The following BAZ2B variants were observed in gnomAD, a reference collection of about 807,000 sequenced individuals.
BAZ2B encodes bromodomain adjacent to zinc finger domain protein 2B.
In BAZ2B, 91 loss-of-function variants were observed where a neutral mutation model predicts 246.0. The ratio of observed to expected loss-of-function variants is 0.37; its 90% CI spans 0.31 to 0.44. The LOEUF (loss-of-function observed/expected upper bound fraction) is 0.44. BAZ2B is among the 20% of genes least tolerant of loss of function. BAZ2B has a pLI of 1.00. For synonymous variants in BAZ2B, 855 were observed against 860.0 expected, an observed-to-expected ratio of 0.99 and a Z score of 0.10; for missense variants, 2,332 against 2,533.7, an observed-to-expected ratio of 0.92 and a Z score of 1.71.
At chr2:159,563,904 A>C (rs1456018391) in intron 1 of BAZ2B, among the ~76,000 whole-genome samples, 1 of 152,254 alleles carries the variant, frequency 6.6e-6, no homozygotes, top group Non-Finnish European at 1.5e-5. Context: ...TCACTCATTA[A>C]GACATGAATC....
chr2:159,316,345 T>A (rs930505174), downstream of BAZ2B, among the ~76,000 whole-genome samples: 7 of 152,106 alleles, frequency 4.6e-5, no homozygotes, highest in East Asian at 1.9e-4. Flanking sequence ...TCCCAGCAGA[T>A]AAGATTCTAT....
rs199678669 is a variant in BAZ2B at position 159,430,980 on chromosome 2, G to A, written c.2077C>T (p.Arg693Cys). The A allele has an allele frequency of 4.4e-5, 71 of 1,613,886 alleles. 1 individual carries two copies. The South Asian group carries it at 5.1e-4, about 11-fold the overall frequency. Residue 693 changes from arginine to cysteine, a missense_variant, in exon 10 of 37, where the codon CGT becomes TGT. This residue lies in a region of BAZ2B where 651 missense variants were observed against 650.9 expected (regional missense o/e 1.00). Transcript: ENST00000392783. Reference sequence around the variant, plus strand: ...GGGGCTTTTGCTATGTGGAGGTTACGAGGTGTTGAGTGACCTGTGAGACTC... The same window carrying A: ...GGGGCTTTTGCTATGTGGAGGTTACAAGGTGTTGAGTGACCTGTGAGACTC... ...SMSLTGHSTP[R>C]NLHIAKAPGS...
chr2:159,536,069 A>G (rs1298160723), intron 2 of BAZ2B, among the ~76,000 whole-genome samples: 1 of 152,252 alleles, frequency 6.6e-6, no homozygotes, highest in Non-Finnish European at 1.5e-5. Flanking sequence ...CACATGAGCA[A>G]CTAACTACAA....
At chr2:159,357,168 C>G (rs143379761) in intron 27 of BAZ2B, among the ~76,000 whole-genome samples, 1 of 151,890 alleles carries the variant, frequency 6.6e-6, no homozygotes, top group African/African-American at 2.4e-5. Context: ...TGGGTAATAA[C>G]AAACTCCTCT....
chr2:159,531,245 C>A (rs555545624), intron 2 of BAZ2B, among the ~76,000 whole-genome samples: 1 of 152,256 alleles, frequency 6.6e-6, no homozygotes, highest in Non-Finnish European at 1.5e-5. Flanking sequence ...TTACTTTCCT[C>A]ATCTGGAAAA....
chr2:159,366,473 T>G (rs183318530), intron 27 of BAZ2B, among the ~76,000 whole-genome samples: 6 of 152,350 alleles, frequency 3.9e-5, no homozygotes, highest in African/African-American at 1.4e-4. Context: ...TCTAAGACAC[T>G]GGTCACTTTT....
At chr2:159,410,952 T>C (rs2066739464) in intron 14 of BAZ2B, among the ~76,000 whole-genome samples, 1 of 152,188 alleles carries the variant, frequency 6.6e-6, no homozygotes, top group Non-Finnish European at 1.5e-5. Context: ...ATGTGAGTGG[T>C]TGCATGTGTG....
At chr2:159,323,753 G>T (rs1339565266) in intron 36 of BAZ2B, among the ~76,000 whole-genome samples, 1 of 149,820 alleles carries the variant, frequency 6.7e-6, no homozygotes, top group Non-Finnish European at 1.5e-5. Flanking sequence ...GCAGTGAGCC[G>T]AGATGCACCA....
intron 1 of BAZ2B, among the ~76,000 whole-genome samples, chr2:159,576,642 G>A (rs1280953101): frequency 6.6e-6 from 1 of 151,898 alleles, no homozygotes; most frequent in Non-Finnish European, 1.5e-5. Flanking sequence ...GGCCAGGCAC[G>A]GTGGCTCACA....
intron 13 of BAZ2B, among the ~76,000 whole-genome samples, chr2:159,413,429 G>A (rs573371284): frequency 2.0e-5 from 3 of 152,242 alleles, no homozygotes; most frequent in East Asian, 1.9e-4. Context: ...CGGACTGGCC[G>A]GGCACAGTGG....
chr2:159,461,367 G>C (rs527396744), intron 3 of BAZ2B: 1 of 152,540 alleles, frequency 6.6e-6, no homozygotes, highest in African/African-American at 2.4e-5. Flanking sequence ...TTGGCAGGCA[G>C]GACTGAGGAA....
intron 20 of BAZ2B, among the ~76,000 whole-genome samples, chr2:159,390,763 G>A (rs572827443): frequency 1.3e-5 from 2 of 152,214 alleles, no homozygotes; most frequent in African/African-American, 4.8e-5. Flanking sequence ...CCAGAGGCCA[G>A]ATCCTAAGGG....
chr2:159,574,022 C>T (rs1684644310), intron 1 of BAZ2B, among the ~76,000 whole-genome samples: 3 of 151,932 alleles, frequency 2.0e-5, no homozygotes, highest in South Asian at 2.1e-4. Flanking sequence ...ATCCCTAGAG[C>T]CTGGGAGGTT....
chr2:159,572,599 CAT>C lies in BAZ2B; in HGVS notation c.-45-16736_-45-16735del, dbSNP rs144148975. On this transcript the variant is annotated intron_variant, in intron 1 of 36. Transcript: ENST00000392783. ...TAAATAGAAGATATATTAAACTACTCATATATTTTATTATTATTATGCATAGG... is the reference window on the plus strand; with the variant it reads ...TAAATAGAAGATATATTAAACTACTCATATTTTATTATTATTATGCATAGG... 2.9e-3 allele frequency among the ~76,000 whole-genome samples: 443 copies of C among 152,188 alleles called. 11 individuals are homozygous for C. The East Asian group carries it at 0.07, about 24-fold the overall frequency.
rs554802036 is a variant in BAZ2B at position 159,416,076 on chromosome 2, T to C, written c.2467-3531A>G. 3.3e-5 allele frequency among the ~76,000 whole-genome samples: 5 copies of C among 152,172 alleles called. No individual in the cohort carries two copies. In the South Asian group the frequency reaches 6.2e-4, roughly 19 times the overall value. On this transcript the variant is annotated intron_variant, in intron 13 of 36. Coordinates refer to ENST00000392783, the MANE Select transcript of BAZ2B (RefSeq NM_013450.4). ...ACTTGATGTTATAAAGATGTTCTTATACCTGATAAGTGACAGATCATAACA... is the reference window on the plus strand; with the variant it reads ...ACTTGATGTTATAAAGATGTTCTTACACCTGATAAGTGACAGATCATAACA...
the BAZ2B span, among the ~76,000 whole-genome samples, chr2:159,646,752 G>A: frequency 6.6e-6 from 1 of 152,044 alleles, no homozygotes; most frequent in Admixed American, 6.6e-5. Context: ...CTGCAGCCAG[G>A]GGTTGGGGAC....
At chr2:159,707,310 G>A in the BAZ2B span, among the ~76,000 whole-genome samples, 6 of 152,102 alleles carry the variant, frequency 3.9e-5, no homozygotes, top group Non-Finnish European at 8.8e-5. Context: ...AGCACTTTGG[G>A]AGGCCAAGGC....
chr2:159,533,365 T>A (rs2085574484), intron 2 of BAZ2B, among the ~76,000 whole-genome samples: 2 of 152,188 alleles, frequency 1.3e-5, no homozygotes, highest in African/African-American at 4.8e-5. Flanking sequence ...GACTAGGAAT[T>A]CGACACCAAT....
At position 159,320,174 on chromosome 2, in the gene BAZ2B, T is replaced by C. The variant is rs920924239; in HGVS notation, c.*91A>G. The C allele has an allele frequency of 2.7e-6, 3 of 1,131,004 alleles. No homozygotes were observed. The highest frequency in any genetic ancestry group is 3.5e-6 in the Non-Finnish European group (3 of 851,946). The allele number at this position is 1,131,004 out of a possible 1,614,324, so 70.1% of individuals were successfully genotyped here. On this transcript the variant is annotated 3_prime_UTR_variant, in exon 37 of 37. Coordinates refer to ENST00000392783, the MANE Select transcript of BAZ2B (RefSeq NM_013450.4). ...TAAGGAAAAAGAAAGTCATTATGTA[T>C]GTGCCTTGCACGTTTATGTAAATAC...
Sources: allele counts gnomAD v4.1 joint callset (sites outside exome capture counted in the v4.1 genomes callset), GRCh38; gene constraint gnomAD v4.1.1; regional missense constraint gnomAD v4.1.1; transcripts MANE v1.5; gene names NCBI Gene and HGNC (gene_info 2026-07-23, HGNC 2026-07-21).